The following KIF5B variants were observed in gnomAD, a reference collection of about 807,000 sequenced individuals.
KIF5B encodes the protein kinesin-1 heavy chain.
Under a neutral mutation model 132.8 loss-of-function variants are expected in KIF5B, and 49 were observed. The ratio of observed to expected loss-of-function variants is 0.37; its 90% CI spans 0.29 to 0.47. The LOEUF is 0.47. KIF5B is among the 20% of genes least tolerant of loss of function. KIF5B has a pLI of 1.00. For missense variants in KIF5B, 780 were observed against 1,144.0 expected (o/e 0.68, Z 4.59); for synonymous variants, 355 against 369.4 (o/e 0.96, Z 0.45).
At chr10:32,043,239 G>A (rs1256971901) in intron 2 of KIF5B, among the ~76,000 whole-genome samples, 2 of 152,172 alleles carry the variant, frequency 1.3e-5, no homozygotes, top group African/African-American at 4.8e-5. Context: ...CTGACCTCAG[G>A]AGATTCGCCC....
At chr10:32,016,513 C>T (rs1649018855) in intron 24 of KIF5B, among the ~76,000 whole-genome samples, 1 of 151,886 alleles carries the variant, frequency 6.6e-6, no homozygotes, top group Admixed American at 6.6e-5. Flanking sequence ...ACTTCCTGCA[C>T]CAATTTTTGT....
intron 6 of KIF5B, among the ~76,000 whole-genome samples, chr10:32,037,915 G>C (rs569299856): frequency 6.6e-6 from 1 of 152,102 alleles, no homozygotes; most frequent in Non-Finnish European, 1.5e-5. Flanking sequence ...TTCAAGACCA[G>C]CCTGGCCAAC....
chr10:32,025,071 C>T (rs779334302), intron 15 of KIF5B, among the ~76,000 whole-genome samples: 2 of 152,094 alleles, frequency 1.3e-5, no homozygotes, highest in Non-Finnish European at 2.9e-5. Flanking sequence ...AGCGAGACTC[C>T]GTCTCAAAGA....
At chr10:32,023,063 T>A (rs1368828072) in intron 15 of KIF5B, 27 bp from the exon 16 acceptor site, 1 of 1,433,184 alleles carries the variant, frequency 7.0e-7, no homozygotes, top group Non-Finnish European at 9.4e-7. Context: ...AAATAAAAAA[T>A]TAAAGCCAAA....
chr10:32,028,649 G>T, intron 14 of KIF5B, 78 bp from the exon 15 acceptor site: 1 of 1,232,236 alleles, frequency 8.1e-7, no homozygotes, highest in Non-Finnish European at 1.1e-6. Context: ...GGTGTTTCAA[G>T]TTTTACACCA....
Position 32,022,338 on chromosome 10 carries a change from T to C in KIF5B, c.1915-81A>G, listed in dbSNP as rs112161321. ...ATATTTGACAGTAAACATTTCATTA[T>C]CTATATATGATAAATTTGGGAATAT... On this transcript the variant is annotated intron_variant, in intron 16 of 25. Transcript: ENST00000302418. The C allele has an allele frequency of 2.0e-3, 1,373 of 697,662 alleles. 13 individuals carry two copies. The African/African-American group carries it at 0.023, about 12-fold the overall frequency. 43.2% of individuals were successfully genotyped at this position (697,662 alleles called of 1,614,324 possible). A position where few individuals can be genotyped will look rare whatever the true frequency, so the allele number is the denominator to read the frequency against.
rs193072246 is a variant in KIF5B, at chr10:32,037,636, A to C, written c.499-29T>G. 7.8e-4 allele frequency: 1,177 copies of C among 1,500,318 alleles called. 6 individuals are homozygous for C. The highest frequency in any genetic ancestry group is 6.6e-3 in the African/African-American group (480 of 72,490). The allele number at this position is 1,500,318 out of a possible 1,614,324, so 92.9% of individuals were successfully genotyped here. A position where few individuals can be genotyped will look rare whatever the true frequency, so the allele number is the denominator to read the frequency against. On this transcript the variant is annotated intron_variant, in intron 6 of 25. Transcript: ENST00000302418. ...TGAAATAATTTTTAAAAATATGTTA[A>C]TGTCTGGCCAACATGATGAAACCCT... is the stretch of plus-strand genomic sequence containing the variant.
At chr10:32,042,579 C>A (rs1393928812) in intron 2 of KIF5B, among the ~76,000 whole-genome samples, 1 of 152,210 alleles carries the variant, frequency 6.6e-6, no homozygotes, top group Non-Finnish European at 1.5e-5. Flanking sequence ...TAACTCCTAA[C>A]ACAGTGCCTG....
In KIF5B at chr10:32,055,884, G is replaced by T. The variant is rs1258297469; in HGVS notation, c.90C>A (p.Ile30=). ...CCGTGTCTTCTCCCTGAAACTTGGCGATGTACTTGTCGCCGCGGTTCACTT... is the reference window on the plus strand; with the variant it reads ...CCGTGTCTTCTCCCTGAAACTTGGCTATGTACTTGTCGCCGCGGTTCACTT... ...ESEVNRGDKY[I]AKFQGEDTVV... The change falls in exon 1 of 26, where the codon ATC becomes ATA. Residue 30 remains isoleucine (I), a synonymous_variant. Transcript: ENST00000302418. 2 of 1,612,946 alleles carry T rather than the reference G, an allele frequency of 1.2e-6. No homozygotes were observed. The highest frequency in any genetic ancestry group is 4.5e-5 in the East Asian group (2 of 44,884).
At chr10:32,016,413 G>A (rs1042975729) in intron 24 of KIF5B, among the ~76,000 whole-genome samples, 40 of 151,950 alleles carry the variant, frequency 2.6e-4, no homozygotes, top group South Asian at 2.1e-4. Context: ...CCGAGATCAC[G>A]CCATTGCACT....
chr10:32,025,999 G>A (rs769749614), intron 15 of KIF5B, among the ~76,000 whole-genome samples: 1 of 152,154 alleles, frequency 6.6e-6, no homozygotes, highest in Non-Finnish European at 1.5e-5. Flanking sequence ...AAAAACACTG[G>A]GAATTTGTTA....
At chr10:32,049,595 T>C (rs1405201539) in intron 1 of KIF5B, among the ~76,000 whole-genome samples, 1 of 152,164 alleles carries the variant, frequency 6.6e-6, no homozygotes, top group Non-Finnish European at 1.5e-5. Context: ...AATGCAAATA[T>C]CAAAACGGTT....
At chr10:32,024,540 G>C (rs891054046) in intron 15 of KIF5B, among the ~76,000 whole-genome samples, 21 of 151,566 alleles carry the variant, frequency 1.4e-4, no homozygotes, top group African/African-American at 4.8e-4. Context: ...GACGCGGGCA[G>C]ATCACCTGAG....
chr10:32,042,475 C>T (rs143814893), intron 2 of KIF5B, among the ~76,000 whole-genome samples: 1 of 152,322 alleles, frequency 6.6e-6, no homozygotes, highest in Non-Finnish European at 1.5e-5. Context: ...CTTACAGTAT[C>T]TGCATTTAAT....
At chr10:32,042,055 T>C (rs1389210604) in intron 2 of KIF5B, among the ~76,000 whole-genome samples, 1 of 152,214 alleles carries the variant, frequency 6.6e-6, no homozygotes, top group Non-Finnish European at 1.5e-5. Flanking sequence ...TTGTTTGTTT[T>C]TGGTGACAAG....
chr10:32,024,390 G>A (rs567662861), intron 15 of KIF5B, among the ~76,000 whole-genome samples: 36 of 147,542 alleles, frequency 2.4e-4, no homozygotes, highest in African/African-American at 6.9e-4. Flanking sequence ...TCCTGACCTC[G>A]TGATCCGCCC....
chr10:32,026,866 C>T (rs1440274562), intron 15 of KIF5B, among the ~76,000 whole-genome samples: 2 of 151,996 alleles, frequency 1.3e-5, no homozygotes, highest in Non-Finnish European at 2.9e-5. Context: ...AGAATAGGGC[C>T]GAAATGTTCA....
Position 32,056,291 on chromosome 10 carries a change from G to A in KIF5B, c.-318C>T. On this transcript the variant is annotated 5_prime_UTR_variant, in exon 1 of 26. Coordinates refer to ENST00000302418, the MANE Select transcript of KIF5B (RefSeq NM_004521.3). ...CTGGGCGGACTGCGGGGGCTGGGGA[G>A]GTTCTGGGGACCGGGAGAGTGGCCA... 1 of 326,696 alleles carries A rather than the reference G, an allele frequency of 3.1e-6. No individual in the cohort carries two copies. Among genetic ancestry groups the A allele is most frequent in the South Asian group, 3.1e-5 (1 of 31,878 alleles). The allele number at this position is 326,696 out of a possible 1,614,324, so 20.2% of individuals were successfully genotyped here.
At chr10:32,015,404 T>TA in intron 25 of KIF5B, 105 bp downstream of exon 25, 4 of 829,912 alleles carry the variant, frequency 4.8e-6, no homozygotes, top group South Asian at 2.0e-5. Flanking sequence ...ATGCTTAAGT[T>TA]AAAAAAATCA....
Sources: gnomAD v4.1 joint callset for allele counts (sites outside exome capture counted in the v4.1 genomes callset) on GRCh38, gnomAD v4.1.1 for gene constraint, MANE v1.5 for transcripts, NCBI Gene and HGNC (gene_info 2026-07-23, HGNC 2026-07-21) for gene names.